Variants in TPRG1 observed in about 807,000 individuals in gnomAD.
TPRG1 encodes tumor protein p63-regulated gene 1 protein.
Under a neutral mutation model 29.3 loss-of-function variants are expected in TPRG1, and 29 were observed. That is an observed-to-expected ratio of 0.99 (90% CI 0.74 to 1.35). The LOEUF (loss-of-function observed/expected upper bound fraction) is 1.35. TPRG1 is among the 40% of genes most tolerant of loss of function. The pLI is 0.00. For missense variants in TPRG1, 327 were observed against 335.0 expected, an observed-to-expected ratio of 0.98 and a Z score of 0.19; for synonymous variants, 130 against 116.8, an observed-to-expected ratio of 1.11 and a Z score of -0.73.
intron 3 of TPRG1, among the ~76,000 whole-genome samples, chr3:189,230,917 G>A (rs921331990): frequency 3.3e-5 from 5 of 152,126 alleles, no homozygotes; most frequent in Non-Finnish European, 5.9e-5. Flanking sequence ...ATCATCCTGA[G>A]CTGCTGCCCT....
intron 5 of TPRG1, among the ~76,000 whole-genome samples, chr3:189,160,531 A>G (rs1176796368): frequency 2.6e-5 from 4 of 152,178 alleles, no homozygotes; most frequent in Admixed American, 6.5e-5. Flanking sequence ...TGCAAAGGAA[A>G]ACAAGGAGAA....
intron 5 of TPRG1, among the ~76,000 whole-genome samples, chr3:189,163,127 G>T (rs1192642369): frequency 1.3e-5 from 2 of 152,068 alleles, no homozygotes; most frequent in East Asian, 3.9e-4. Flanking sequence ...CAAAAAATTA[G>T]CTGGGCACGG....
upstream of TPRG1, among the ~76,000 whole-genome samples, chr3:189,171,176 A>G (rs1443860735): frequency 6.6e-6 from 1 of 152,196 alleles, no homozygotes; most frequent in Non-Finnish European, 1.5e-5. Flanking sequence ...GCTATGTCAA[A>G]TCTTATCCTA....
At chr3:189,214,940 GA>G (rs1262121132) in intron 2 of TPRG1, among the ~76,000 whole-genome samples, 8 of 140,620 alleles carry the variant, frequency 5.7e-5, no homozygotes, top group Non-Finnish European at 3.1e-5. Flanking sequence ...TGTGCTCTAG[GA>G]AGAGAAAAAA....
At position 189,052,564 on chromosome 3, in the gene TPRG1, C is replaced by A. The variant is rs1715393112; in HGVS notation, c.-463+28618C>A. On this transcript the variant is annotated intron_variant, in intron 4 of 10. Coordinates refer to the TPRG1 transcript ENST00000433971. The stretch of plus-strand genomic sequence containing the variant: ...CTTAAATAACTGAAAGTAGAACTAC[C>A]ATTTGATCCAGCAATCCCACTACTG... Among the ~76,000 whole-genome samples the A allele has an allele frequency of 2.6e-5, 4 of 152,246 alleles. No individual in the cohort carries two copies. The South Asian group carries it at 8.3e-4, about 32-fold the overall frequency.
At chr3:189,015,936 G>A (rs1311841979) in intron 3 of TPRG1, among the ~76,000 whole-genome samples, 1 of 152,194 alleles carries the variant, frequency 6.6e-6, no homozygotes, top group African/African-American at 2.4e-5. Flanking sequence ...GAAATGTGGA[G>A]TTGGAGCCCC....
At chr3:189,171,805 CA>C (rs1728844396), upstream of TPRG1, among the ~76,000 whole-genome samples, 1 of 152,164 alleles carries the variant, frequency 6.6e-6, no homozygotes, top group Non-Finnish European at 1.5e-5. Context: ...CAGAAAAATG[CA>C]GGACTTCTTG....
At chr3:189,097,291 A>G (rs989367899), upstream of TPRG1, among the ~76,000 whole-genome samples, 8 of 152,190 alleles carry the variant, frequency 5.3e-5, no homozygotes, top group Admixed American at 1.3e-4. Context: ...AAATTTTATG[A>G]TTGGCAAAAG....
In TPRG1 at chr3:189,284,352, C is replaced by G. The variant is rs868077696; in HGVS notation, c.480-26034C>G. 3.1e-3 allele frequency among the ~76,000 whole-genome samples: 368 copies of G among 119,702 alleles called. 3 individuals carry two copies. The highest frequency in any genetic ancestry group is 0.011 in the African/African-American group (334 of 31,324). 78.5% of individuals were successfully genotyped at this position (119,702 alleles called of 152,430 possible). ...ATCTCCTAATGCTATCCCTCCCCCC[C>G]CCTCCCCCCACCCCACAACAGGCCC... On this transcript the variant is annotated intron_variant, in intron 4 of 5. Coordinates refer to ENST00000345063, the MANE Select transcript of TPRG1 (RefSeq NM_198485.4).
chr3:189,060,781 A>C (rs1011296493), intron 4 of TPRG1, among the ~76,000 whole-genome samples: 1 of 152,198 alleles, frequency 6.6e-6, no homozygotes, highest in African/African-American at 2.4e-5. Context: ...AACTCTGCTC[A>C]AAGAAATTAG....
chr3:189,138,136 T>A (rs963484417), intron 3 of TPRG1, among the ~76,000 whole-genome samples: 1 of 152,128 alleles, frequency 6.6e-6, no homozygotes, highest in African/African-American at 2.4e-5. Flanking sequence ...GTGACAATAC[T>A]TCTGGGTGGG....
chr3:189,231,948 TG>T (rs1216590671), intron 3 of TPRG1, among the ~76,000 whole-genome samples: 1 of 95,216 alleles, frequency 1.1e-5, no homozygotes, highest in African/African-American at 4.6e-5. Context: ...CTGGTTTGTG[TG>T]TGTGTGTGTG....
chr3:189,274,441 T>C (rs968953918), intron 4 of TPRG1, among the ~76,000 whole-genome samples: 3 of 152,176 alleles, frequency 2.0e-5, no homozygotes, highest in African/African-American at 7.2e-5. Flanking sequence ...AAGCCACTCT[T>C]TCTTGGGAGT....
intron 4 of TPRG1, among the ~76,000 whole-genome samples, chr3:189,087,422 G>A (rs1318979175): frequency 1.3e-5 from 2 of 152,128 alleles, no homozygotes; most frequent in Non-Finnish European, 2.9e-5. Flanking sequence ...TGTCAGATGA[G>A]TAGGTTGCAA....
At chr3:189,153,583 C>G (rs1316473289) in intron 5 of TPRG1, among the ~76,000 whole-genome samples, 8 of 152,088 alleles carry the variant, frequency 5.3e-5, no homozygotes, top group Admixed American at 4.6e-4. Context: ...TGAGCCAGCT[C>G]CCATCAGCCC....
chr3:189,104,661 G>T (rs1011255621), intron 1 of TPRG1, among the ~76,000 whole-genome samples: 18 of 151,786 alleles, frequency 1.2e-4, no homozygotes, highest in Non-Finnish European at 2.1e-4. Context: ...CGGTCTACTA[G>T]ATCAATGTCT....
At chr3:189,068,030 A>G (rs1578278581) in intron 4 of TPRG1, among the ~76,000 whole-genome samples, 1 of 152,358 alleles carries the variant, frequency 6.6e-6, no homozygotes, top group Admixed American at 6.5e-5. Context: ...ACTTTTCTCA[A>G]ATGAAGACGT....
intron 2 of TPRG1, among the ~76,000 whole-genome samples, chr3:189,001,189 T>C (rs896548656): frequency 8.5e-5 from 13 of 152,286 alleles, no homozygotes; most frequent in Non-Finnish European, 1.5e-4. Context: ...ATGTATTCAT[T>C]CACTCTTCAA....
At chr3:189,226,390 C>T (rs1254103780) in intron 3 of TPRG1, among the ~76,000 whole-genome samples, 5 of 152,012 alleles carry the variant, frequency 3.3e-5, no homozygotes, top group Non-Finnish European at 1.5e-5. Flanking sequence ...AATGTCCAAA[C>T]ACTCGGAAAT....
Sources: allele counts gnomAD v4.1 joint callset (sites outside exome capture counted in the v4.1 genomes callset), GRCh38; gene constraint gnomAD v4.1.1; transcripts MANE v1.5; gene names NCBI Gene and HGNC (gene_info 2026-07-23, HGNC 2026-07-21).